Variants in AUTS2 observed in about 807,000 individuals in gnomAD.
AUTS2 encodes autism susceptibility gene 2 protein.
AUTS2 carries 17 observed loss-of-function variants against 112.4 expected under a neutral mutation model. The observed-to-expected ratio is 0.15, with a 90% CI of 0.10 to 0.23. The LOEUF is 0.23. Ranked by LOEUF, AUTS2 falls within the 10% of genes least tolerant of loss-of-function variation. The probability of loss-of-function intolerance (pLI) is 1.00; values close to 1 mark genes in which losing one functional copy is unlikely to be tolerated. For missense variants in AUTS2, 1,510 were observed against 1,701.6 expected (o/e 0.89, Z 1.98); for synonymous variants, 751 against 702.7 (o/e 1.07, Z -1.09).
chr7:69,811,008 A>T (rs1790521874), intron 1 of AUTS2, among the ~76,000 whole-genome samples: 1 of 152,218 alleles, frequency 6.6e-6, no homozygotes, highest in Admixed American at 6.5e-5. Context: ...GAGGATAAAG[A>T]AGATCATGAA....
chr7:70,135,282 C>A (rs1806491697), intron 4 of AUTS2, among the ~76,000 whole-genome samples: 1 of 151,600 alleles, frequency 6.6e-6, no homozygotes, highest in African/African-American at 2.4e-5. Flanking sequence ...ATTTAGTGAC[C>A]CTTTTCAAGA....
chr7:69,758,648 C>T (rs1011743578), intron 1 of AUTS2, among the ~76,000 whole-genome samples: 13 of 152,186 alleles, frequency 8.5e-5, no homozygotes, highest in African/African-American at 1.9e-4. Flanking sequence ...CTCATTGACA[C>T]ATTTGTTACT....
chr7:69,680,179 T>C (rs1796729196), intron 1 of AUTS2, among the ~76,000 whole-genome samples: 1 of 152,248 alleles, frequency 6.6e-6, no homozygotes. Context: ...ATAGTAGTTG[T>C]TTTTCAGAAG....
chr7:70,358,174 A>G (rs890137415), intron 4 of AUTS2, among the ~76,000 whole-genome samples: 4 of 152,196 alleles, frequency 2.6e-5, no homozygotes, highest in Non-Finnish European at 5.9e-5. Flanking sequence ...AGTTATGCCA[A>G]TAGTATTTTC....
At chr7:69,721,275 A>G (rs1160393431) in intron 1 of AUTS2, among the ~76,000 whole-genome samples, 1 of 152,160 alleles carries the variant, frequency 6.6e-6, no homozygotes, top group East Asian at 1.9e-4. Context: ...CACTGTGCCT[A>G]GAATGCTCTT....
intron 8 of AUTS2, 113 bp from the exon 9 acceptor site, chr7:70,765,996 GCCACA>G (rs1789914775): frequency 2.0e-6 from 3 of 1,481,816 alleles, no homozygotes. Context: ...TCAGGGCCCA[GCCACA>G]CCCTGTCACC....
intron 5 of AUTS2, among the ~76,000 whole-genome samples, chr7:70,594,731 T>TG (rs1563064056): frequency 6.6e-6 from 1 of 151,838 alleles, no homozygotes; most frequent in Non-Finnish European, 1.5e-5. Flanking sequence ...GAGTGGGAGA[T>TG]GGGGGTGAGT....
intron 4 of AUTS2, among the ~76,000 whole-genome samples, chr7:70,252,018 A>G (rs1786626365): frequency 6.6e-6 from 1 of 152,138 alleles, no homozygotes; most frequent in Non-Finnish European, 1.5e-5. Flanking sequence ...TTTAGGTTAT[A>G]TATTTCTTAA....
chr7:69,603,180 A>G (rs560342974), intron 1 of AUTS2, among the ~76,000 whole-genome samples: 1 of 152,342 alleles, frequency 6.6e-6, no homozygotes, highest in South Asian at 2.1e-4. Context: ...AGAAACCAGA[A>G]ATATTGGCTT....
At position 70,790,056 on chromosome 7, in the gene AUTS2, C is replaced by G. The variant is rs749321104; in HGVS notation, c.2840C>G (p.Pro947Arg). ...ARVPSPYVRT[P>R]VVESARPNST... ...GTGCCGTCTCCCTACGTGCGGACCC[C>G]GGTGGTGGAGAGTGCCAGGCCCAAC... Residue 947 changes from proline to arginine, a missense_variant, in exon 19 of 19, where the codon CCG becomes CGG. By Grantham distance (103) the Pro-to-Arg change is moderately radical (BLOSUM62 -2). This residue lies in a region of AUTS2 where 788 missense variants were observed against 797.6 expected (regional missense o/e 0.99). Coordinates refer to ENST00000342771, the MANE Select transcript of AUTS2 (RefSeq NM_015570.4). This position sits in a 1 kb window ranked among gnomAD's most constrained non-coding sequence, Gnocchi z 7.6. The G allele has an allele frequency of 6.3e-7, 1 of 1,577,582 alleles. No individual in the cohort carries two copies. The highest frequency in any genetic ancestry group is 8.6e-7 in the Non-Finnish European group (1 of 1,163,436).
At chr7:69,660,121 C>T (rs73164770) in intron 1 of AUTS2, among the ~76,000 whole-genome samples, 134 of 152,358 alleles carry the variant, frequency 8.8e-4, no homozygotes, top group Non-Finnish European at 1.6e-3. Context: ...TGAGAAACAG[C>T]ATTCCAGGCT....
chr7:70,789,685 C>T, intron 18 of AUTS2, 63 bp from the exon 19 acceptor site: 1 of 1,550,974 alleles, frequency 6.4e-7, no homozygotes, highest in Non-Finnish European at 8.7e-7. Context: ...CCCGCAGCCC[C>T]TGGCCCGGCC....
chr7:70,361,306 C>G lies in AUTS2; in HGVS notation c.661-74446C>G, dbSNP rs1025971154. ...CGAGATCGCGCCACTGCACTCCAGC[C>G]TGGGTAACAGAGCGAGACTCCGTCT... is the stretch of plus-strand genomic sequence containing the variant. On this transcript the variant is annotated intron_variant, in intron 4 of 18. Transcript: ENST00000342771. Among the ~76,000 whole-genome samples, 11 of 151,884 alleles carry G rather than the reference C, an allele frequency of 7.2e-5. 1 individual carries two copies. The highest frequency in any genetic ancestry group is 6.5e-4 in the Admixed American group (10 of 15,278).
At chr7:70,046,240 G>C (rs1801498057) in intron 2 of AUTS2, among the ~76,000 whole-genome samples, 1 of 152,002 alleles carries the variant, frequency 6.6e-6, no homozygotes, top group Non-Finnish European at 1.5e-5. Flanking sequence ...ATGAACTCTA[G>C]GTTGGAATCC....
intron 6 of AUTS2, among the ~76,000 whole-genome samples, chr7:70,712,766 G>A (rs980382754): frequency 2.6e-5 from 4 of 152,178 alleles, no homozygotes; most frequent in African/African-American, 9.7e-5. Context: ...ACAGGGAATA[G>A]GTCTAGGTTC....
intron 5 of AUTS2, among the ~76,000 whole-genome samples, chr7:70,535,110 A>G (rs1016197150): frequency 6.6e-6 from 1 of 151,680 alleles, no homozygotes; most frequent in Admixed American, 6.6e-5. Flanking sequence ...TACCTGGGCT[A>G]GTAAGCTGTG....
intron 2 of AUTS2, among the ~76,000 whole-genome samples, chr7:69,948,773 CATTTATTTATTTATTTATTTATTT>C (rs36128585): frequency 2.7e-5 from 4 of 147,038 alleles, no homozygotes; most frequent in African/African-American, 1.0e-4. Context: ...AATTTTCTTT[CATTTATTTATTTATTTATTTATTT>C]ATTTATTTAT....
intron 1 of AUTS2, among the ~76,000 whole-genome samples, chr7:69,685,513 A>G (rs1797024190): frequency 6.6e-6 from 1 of 152,210 alleles, no homozygotes; most frequent in Non-Finnish European, 1.5e-5. Context: ...CTATTTGTCC[A>G]GGTAAACAAG....
At chr7:69,992,582 G>T (rs1798782441) in intron 2 of AUTS2, among the ~76,000 whole-genome samples, 1 of 152,192 alleles carries the variant, frequency 6.6e-6, no homozygotes, top group Non-Finnish European at 1.5e-5. Context: ...CATGGGCCAG[G>T]TGTAGTGGCT....
Sources: gnomAD v4.1 joint callset for allele counts (sites outside exome capture counted in the v4.1 genomes callset) on GRCh38, gnomAD v4.1.1 for gene constraint, gnomAD v4.1.1 regional missense constraint, Gnocchi (gnomAD v3.1) non-coding constraint, MANE v1.5 for transcripts, NCBI Gene and HGNC (gene_info 2026-07-23, HGNC 2026-07-21) for gene names.